The following NEK1 variants were observed in gnomAD, a reference collection of about 807,000 sequenced individuals.
The protein encoded by NEK1 is serine/threonine-protein kinase Nek1.
Under a neutral mutation model 182.1 loss-of-function variants are expected in NEK1, and 137 were observed. The observed-to-expected ratio is 0.75, with a 90% confidence interval of 0.65 to 0.87. NEK1 has a LOEUF of 0.87. NEK1 is among the 40% of genes least tolerant of loss of function. The pLI, the probability that NEK1 is intolerant of heterozygous loss-of-function variation, is 0.00. For missense variants in NEK1, 1,391 were observed against 1,494.4 expected (o/e 0.93, Z 1.14); for synonymous variants, 513 against 492.2 (o/e 1.04, Z -0.56).
chr4:169,512,335 T>A (rs1474214378), intron 19 of NEK1, among the ~76,000 whole-genome samples: 2 of 152,126 alleles, frequency 1.3e-5, no homozygotes, highest in Admixed American at 1.3e-4. Flanking sequence ...AGTGATAACA[T>A]CATTGTGGTT....
At chr4:169,404,123 T>C (rs1041689125) in intron 32 of NEK1, among the ~76,000 whole-genome samples, 16 of 152,146 alleles carry the variant, frequency 1.1e-4, no homozygotes, top group Non-Finnish European at 1.6e-4. Context: ...CTGTAGTTCA[T>C]TCAGATAAAA....
intron 5 of NEK1, among the ~76,000 whole-genome samples, chr4:169,596,891 C>T (rs1769593286): frequency 6.6e-6 from 1 of 152,068 alleles, no homozygotes; most frequent in African/African-American, 2.4e-5. Flanking sequence ...GAATGGCTTG[C>T]CAAATTTTTA....
chr4:169,557,195 G>A (rs1762286144), intron 16 of NEK1, among the ~76,000 whole-genome samples: 1 of 151,960 alleles, frequency 6.6e-6, no homozygotes, highest in African/African-American at 2.4e-5. Context: ...CAAGAAGCCT[G>A]GAAAGCCAAG....
intron 23 of NEK1, among the ~76,000 whole-genome samples, chr4:169,503,585 T>C (rs1434822494): frequency 6.6e-6 from 1 of 152,142 alleles, no homozygotes; most frequent in Non-Finnish European, 1.5e-5. Context: ...AGTGAATTCA[T>C]CTTTGACAAA....
intron 4 of NEK1, among the ~76,000 whole-genome samples, chr4:169,600,591 T>C (rs1030232610): frequency 1.3e-5 from 2 of 152,182 alleles, no homozygotes; most frequent in Admixed American, 1.3e-4. Context: ...AATGTGCCAC[T>C]GGGATAAGAA....
chr4:169,424,673 C>T lies in NEK1; in HGVS notation c.3102G>A (p.Gln1034=). The T allele has an allele frequency of 6.2e-7, 1 of 1,613,862 alleles. No individual in the cohort carries two copies. The highest frequency in any genetic ancestry group is 8.5e-7 in the Non-Finnish European group (1 of 1,179,838). The change falls in exon 31 of 36, where the codon CAG becomes CAA. Residue 1034 remains glutamine, a synonymous_variant. Transcript: ENST00000507142. The part of the protein sequence containing the change: ...LNLVPQVQSV[Q]CSPEESFAFR... ...ATGCAAAGGATTCTTCTGGTGAACA[C>T]TGAACTGATTGAACTTGAGGGACTA...
At chr4:169,395,913 T>G (rs533046225) in intron 35 of NEK1, among the ~76,000 whole-genome samples, 91 of 152,350 alleles carry the variant, frequency 6.0e-4, no homozygotes, top group African/African-American at 2.1e-3. Context: ...TGGTGTAATA[T>G]TCTACTTATT....
chr4:169,495,085 T>C (rs890659505), intron 23 of NEK1, among the ~76,000 whole-genome samples: 9 of 152,096 alleles, frequency 5.9e-5, no homozygotes, highest in Non-Finnish European at 1.0e-4. Context: ...GCAGAAGCTC[T>C]TTATTTTAAT....
intron 26 of NEK1, among the ~76,000 whole-genome samples, chr4:169,475,236 A>G (rs181011881): frequency 6.6e-6 from 1 of 152,252 alleles, no homozygotes; most frequent in African/African-American, 2.4e-5. Flanking sequence ...ATATGAGAAA[A>G]CTACCCAAGT....
Position 169,394,333 on chromosome 4 carries a change from T to C in NEK1, c.*177A>G. The C allele has an allele frequency of 2.0e-6, 1 of 504,552 alleles. No homozygotes were observed. The allele number at this position is 504,552 out of a possible 1,614,324, so 31.3% of individuals were successfully genotyped here. On this transcript the variant is annotated 3_prime_UTR_variant, in exon 36 of 36. Coordinates refer to ENST00000507142, the MANE Select transcript of NEK1 (RefSeq NM_001199397.3). ...TTCAATGAACAAAATAGATAAAATA[T>C]TAGAATCTTCACTGAAAAATGGCAT... is the stretch of plus-strand genomic sequence containing the variant.
chr4:169,450,711 T>C (rs1478343921), intron 27 of NEK1, among the ~76,000 whole-genome samples: 1 of 152,134 alleles, frequency 6.6e-6, no homozygotes, highest in Non-Finnish European at 1.5e-5. Flanking sequence ...ACAGGCCAAA[T>C]TATAAAGACC....
At chr4:169,455,388 GACAC>G (rs1199025259) in intron 27 of NEK1, among the ~76,000 whole-genome samples, 3 of 148,782 alleles carry the variant, frequency 2.0e-5, no homozygotes, top group Admixed American at 6.7e-5. Flanking sequence ...CACCTATAAA[GACAC>G]ACACAGACCA....
At position 169,577,318 on chromosome 4, in the gene NEK1, T is replaced by A. The variant is rs553538248; in HGVS notation, c.869-239A>T. Reference sequence around the variant, plus strand: ...TCTAACATGTTGAAGTTTTTAATATTAAAAAAAAAAATCCCTGAAATTGAC... The same window carrying A: ...TCTAACATGTTGAAGTTTTTAATATAAAAAAAAAAAATCCCTGAAATTGAC... On this transcript the variant is annotated intron_variant, in intron 11 of 35. Transcript: ENST00000507142. Among the ~76,000 whole-genome samples, 7 of 146,964 alleles carry A rather than the reference T, an allele frequency of 4.8e-5. No individual in the cohort carries two copies. In the East Asian group the frequency reaches 1.4e-3, roughly 29 times the overall value.
In NEK1 at chr4:169,406,587, T is replaced by C. The variant is rs973890187; in HGVS notation, c.3374+9A>G. On this transcript the variant is annotated intron_variant, in intron 32 of 35. Coordinates refer to ENST00000507142, the MANE Select transcript of NEK1 (RefSeq NM_001199397.3). ...TTTTAATGCTGTTTACTAATGACAT[T>C]ATACTTACATGTCTTCAGAATCAGA... The C allele has an allele frequency of 1.9e-6, 3 of 1,574,892 alleles. No homozygotes were observed. The African/African-American group carries it at 4.1e-5, about 21-fold the overall frequency.
intron 29 of NEK1, among the ~76,000 whole-genome samples, chr4:169,432,346 G>A (rs770616680): frequency 3.3e-5 from 5 of 152,090 alleles, no homozygotes; most frequent in Non-Finnish European, 7.4e-5. Context: ...AATTACAAAT[G>A]CAACTTATAA....
intron 31 of NEK1, among the ~76,000 whole-genome samples, chr4:169,409,412 G>A (rs1229491628): frequency 6.6e-6 from 1 of 151,960 alleles, no homozygotes; most frequent in Non-Finnish European, 1.5e-5. Flanking sequence ...CCAAAGTGCT[G>A]GGATTACAGG....
At chr4:169,546,385 G>A (rs1760455461) in intron 18 of NEK1, among the ~76,000 whole-genome samples, 1 of 152,140 alleles carries the variant, frequency 6.6e-6, no homozygotes, top group African/African-American at 2.4e-5. Context: ...ATTTGCTGAG[G>A]AGTGTTTTAC....
In NEK1 at chr4:169,597,179, T is replaced by C. The variant is rs1415973832; in HGVS notation, c.312+1921A>G. On this transcript the variant is annotated intron_variant, in intron 5 of 35. Coordinates refer to ENST00000507142, the MANE Select transcript of NEK1 (RefSeq NM_001199397.3). ...ATGTTCTAATAAAAATAGCATTGTA[T>C]ATACTAACATACATTACTATTTGAC... 2.6e-5 allele frequency among the ~76,000 whole-genome samples: 4 copies of C among 152,230 alleles called. No individual in the cohort carries two copies. The East Asian group carries it at 5.8e-4, about 22-fold the overall frequency.
chr4:169,428,923 T>A (rs1272665469), intron 29 of NEK1, among the ~76,000 whole-genome samples: 1 of 152,240 alleles, frequency 6.6e-6, no homozygotes, highest in Non-Finnish European at 1.5e-5. Context: ...CTTTCCATAT[T>A]AATAAAGAGT....
Sources: gnomAD v4.1 joint callset for allele counts (sites outside exome capture counted in the v4.1 genomes callset) on GRCh38, gnomAD v4.1.1 for gene constraint, MANE v1.5 for transcripts, NCBI Gene and HGNC (gene_info 2026-07-23, HGNC 2026-07-21) for gene names.